Variants in CDON observed in about 807,000 individuals in gnomAD.
The protein encoded by CDON is cell adhesion associated, oncogene regulated.
CDON carries 73 observed loss-of-function variants against 120.9 expected under a neutral mutation model. The observed-to-expected ratio is 0.60, with a 90% CI of 0.50 to 0.73. CDON has a LOEUF of 0.73. Ranked by LOEUF, CDON falls within the 30% of genes least tolerant of loss-of-function variation. CDON has a pLI of 0.00. For synonymous variants in CDON, 566 were observed against 573.5 expected (o/e 0.99, Z 0.19); for missense variants, 1,470 against 1,587.3 (o/e 0.93, Z 1.26).
chr11:125,968,889 A>G (rs1284512365), intron 18 of CDON, among the ~76,000 whole-genome samples: 1 of 152,254 alleles, frequency 6.6e-6, no homozygotes, highest in Non-Finnish European at 1.5e-5. Context: ...CAGCATAAAA[A>G]TGGCTTTAAC....
chr11:125,980,873 A>G (rs1946275280), intron 17 of CDON, among the ~76,000 whole-genome samples, 176 bp downstream of exon 17: 1 of 152,266 alleles, frequency 6.6e-6, no homozygotes, highest in Admixed American at 6.5e-5. Context: ...ACCTGGCAAT[A>G]GAAAACAACT....
intron 18 of CDON, among the ~76,000 whole-genome samples, chr11:125,972,301 G>A (rs11220292): frequency 0.23 from 34,568 of 151,962 alleles, 4,371 homozygotes; most frequent in South Asian, 0.3. Context: ...GGTGCCACAC[G>A]CCTGTAATTC....
intron 1 of CDON, among the ~76,000 whole-genome samples, chr11:126,060,046 G>A (rs564358563): frequency 1.6e-4 from 24 of 151,946 alleles, no homozygotes; most frequent in African/African-American, 5.8e-4. Context: ...AAAGAATCAA[G>A]TAAAGCCCTC....
intron 17 of CDON, 32 bp downstream of exon 17, chr11:125,981,017 G>A (rs746905066): frequency 1.2e-6 from 2 of 1,612,110 alleles, no homozygotes; most frequent in Non-Finnish European, 1.7e-6. Context: ...CTGAGGGACA[G>A]AGGGGCTTTT....
chr11:126,032,677 G>C (rs1019032583), intron 1 of CDON, among the ~76,000 whole-genome samples: 2 of 152,086 alleles, frequency 1.3e-5, no homozygotes, highest in Non-Finnish European at 2.9e-5. Flanking sequence ...AAATTTGAAA[G>C]GTTTTTCAAA....
In CDON at chr11:125,957,688, G is replaced by C. The variant is rs1024446294; in HGVS notation, c.*3254C>G. On this transcript the variant is annotated 3_prime_UTR_variant, in exon 20 of 20. Coordinates refer to ENST00000531738, the MANE Select transcript of CDON (RefSeq NM_001378964.1). ...CTTGGCAGTACTATAGCTGGAATGA[G>C]ATCTGTGGCATGATCAGCCCAAGAT... The C allele has an allele frequency of 2.0e-5, 3 of 152,198 alleles. No individual in the cohort carries two copies. Among genetic ancestry groups the C allele is most frequent in the Non-Finnish European group, 4.4e-5 (3 of 68,040 alleles). 9.4% of individuals were successfully genotyped at this position (152,198 alleles called of 1,614,324 possible).
At position 125,983,913 on chromosome 11, in the gene CDON, G is replaced by A. The variant is rs1377373548; in HGVS notation, c.2954C>T (p.Ala985Val). ...VMVLILMVFI[A>V]MCLWKNRQQN... The stretch of plus-strand genomic sequence containing the variant: ...CTGGCGATTCTTCCACAGGCACATT[G>A]CAATGAAAACCATCAGAATGAGGAC... The change falls in exon 16 of 20, where the codon GCA (alanine) becomes GTA (valine). Residue 985 changes from alanine (A) to valine (V), a missense_variant. Transcript: ENST00000531738. The A allele has an allele frequency of 1.2e-6, 2 of 1,613,904 alleles. No homozygotes were observed. Among genetic ancestry groups the A allele is most frequent in the South Asian group, 1.1e-5 (1 of 91,070 alleles).
At chr11:125,974,792 C>G (rs1437844672) in intron 18 of CDON, among the ~76,000 whole-genome samples, 1 of 152,112 alleles carries the variant, frequency 6.6e-6, no homozygotes, top group African/African-American at 2.4e-5. Context: ...CATACTTCAA[C>G]TCTAAAACCA....
chr11:125,994,048 T>C lies in CDON; in HGVS notation c.2650+236A>G, dbSNP rs538115594. ...AATCAAAATTTTCTTTCAGATGAACTACTACTGATTAATCATATTTCCCCC... is the reference window on the plus strand; with the variant it reads ...AATCAAAATTTTCTTTCAGATGAACCACTACTGATTAATCATATTTCCCCC... On this transcript the variant is annotated intron_variant, in intron 14 of 19. Coordinates refer to ENST00000531738, the MANE Select transcript of CDON (RefSeq NM_001378964.1). Among the ~76,000 whole-genome samples the C allele has an allele frequency of 3.3e-5, 5 of 152,356 alleles. No individual in the cohort carries two copies. In the South Asian group the frequency reaches 1.0e-3, roughly 32 times the overall value.
intron 18 of CDON, among the ~76,000 whole-genome samples, chr11:125,976,386 T>C (rs1443742118): frequency 6.6e-6 from 1 of 152,056 alleles, no homozygotes; most frequent in African/African-American, 2.4e-5. Context: ...CAGATTCTCA[T>C]GAGGAAGAAA....
At chr11:125,988,368 GA>G (rs536194360) in intron 15 of CDON, among the ~76,000 whole-genome samples, 2 of 152,206 alleles carry the variant, frequency 1.3e-5, no homozygotes, top group Non-Finnish European at 2.9e-5. Flanking sequence ...AGGAAAGACA[GA>G]AAAAAATGAA....
rs1264864868 is a variant in CDON at position 125,995,007 on chromosome 11, T to A, written c.2408A>T (p.Glu803Val). 6.2e-7 allele frequency: 1 copy of A among 1,614,030 alleles called. No individual in the cohort carries two copies. Among genetic ancestry groups the A allele is most frequent in the African/African-American group, 1.3e-5 (1 of 74,926 alleles). The change falls in exon 13 of 20, where the codon GAG becomes GTG. Residue 803 changes from glutamate to valine, a missense_variant. Glu to Val is a moderately radical substitution (Grantham distance 121). Transcript: ENST00000531738. ...ACGAGATGCTGAACTCCGAAAACTC[T>A]CACCATAATGGTTGATGGCAATGAC... ...FRVIAINHYG[E>V]SFRSSASRPY...
rs146002530 is a variant in CDON at position 126,010,506 on chromosome 11, A to G, written c.1387T>C (p.Ser463Pro). The G allele has an allele frequency of 1.5e-4, 246 of 1,614,160 alleles. No individual in the cohort carries two copies. Among genetic ancestry groups the G allele is most frequent in the Non-Finnish European group, 1.8e-4 (218 of 1,180,024 alleles). ...TCCAGGTTCAAGCCCTCAGGTCTTGATAACTGTGATTTTCGGGATTTCGAT... is the reference window on the plus strand; with the variant it reads ...TCCAGGTTCAAGCCCTCAGGTCTTGGTAACTGTGATTTTCGGGATTTCGAT... Reference protein sequence around the residue: ...LRSKSRKSQLSRPEGLNLEPV... With the variant: ...LRSKSRKSQLPRPEGLNLEPV... Residue 463 changes from serine (S) to proline (P), a missense_variant, in exon 8 of 20, where the codon TCA (serine) becomes CCA (proline). Ser to Pro is a moderately conservative substitution (Grantham distance 74). Transcript: ENST00000531738.
At chr11:126,059,625 G>C (rs1285873381) in intron 1 of CDON, among the ~76,000 whole-genome samples, 1 of 151,998 alleles carries the variant, frequency 6.6e-6, no homozygotes, top group Non-Finnish European at 1.5e-5. Context: ...GAGCCGCTTC[G>C]GGGATCAAGA....
chr11:126,062,809 A>T lies in CDON; in HGVS notation c.-292T>A, dbSNP rs1948838003. 1 of 150,928 alleles carries T rather than the reference A, an allele frequency of 6.6e-6. No homozygotes were observed. The highest frequency in any genetic ancestry group is 2.1e-4 in the South Asian group (1 of 4,818). 9.3% of individuals were successfully genotyped at this position (150,928 alleles called of 1,614,324 possible). A position where few individuals can be genotyped will look rare whatever the true frequency, so the allele number is the denominator to read the frequency against. ...GGCGTGGGGTCCCGGGTCTCCTCGC[A>T]CCTAGCCGCGCGAGCCGGGCTCCCG... On this transcript the variant is annotated 5_prime_UTR_variant, in exon 1 of 20. Coordinates refer to ENST00000531738, the MANE Select transcript of CDON (RefSeq NM_001378964.1).
rs35828939 is a variant in CDON, at chr11:125,973,018, C to CTTTTTTTTTTTTTTTTTTT, written c.3356+5267_3356+5285dup. Among the ~76,000 whole-genome samples the CTTTTTTTTTTTTTTTTTTT allele has an allele frequency of 1.4e-4, 12 of 87,034 alleles. 1 individual carries two copies. Among genetic ancestry groups the CTTTTTTTTTTTTTTTTTTT allele is most frequent in the South Asian group, 5.4e-4 (1 of 1,862 alleles). The allele number at this position is 87,034 out of a possible 152,430, so 57.1% of individuals were successfully genotyped here. ...TGGCCTCTTCAACCAATTACTTGGT[C>CTTTTTTTTTTTTTTTTTTT]TTTTTTTTTTTTTTTTTTTTTTTTA... On this transcript the variant is annotated intron_variant, in intron 18 of 19. Transcript: ENST00000531738.
At chr11:125,964,511 T>C (rs554816406) in intron 18 of CDON, among the ~76,000 whole-genome samples, 93 of 152,112 alleles carry the variant, frequency 6.1e-4, no homozygotes, top group Non-Finnish European at 1.0e-3. Context: ...GGGGAAAACA[T>C]CTTCCAGAAA....
intron 10 of CDON, among the ~76,000 whole-genome samples, chr11:126,003,032 C>T (rs1458053176): frequency 6.6e-6 from 1 of 152,250 alleles, no homozygotes; most frequent in Non-Finnish European, 1.5e-5. Flanking sequence ...ATGTCGACCG[C>T]TCATTGAGGA....
intron 1 of CDON, among the ~76,000 whole-genome samples, chr11:126,039,082 T>C (rs1335751643): frequency 2.6e-5 from 4 of 152,108 alleles, no homozygotes; most frequent in Non-Finnish European, 5.9e-5. Context: ...TCCATTTCTG[T>C]TGGAGAAGAA....
Sources: gnomAD v4.1 joint callset for allele counts (sites outside exome capture counted in the v4.1 genomes callset) on GRCh38, gnomAD v4.1.1 for gene constraint, MANE v1.5 for transcripts, NCBI Gene and HGNC (gene_info 2026-07-23, HGNC 2026-07-21) for gene names.